The following NRXN1 variants were observed in gnomAD, a reference collection of about 807,000 sequenced individuals.
NRXN1 encodes the protein neurexin 1.
NRXN1 carries 39 observed loss-of-function variants against 150.9 expected under a neutral mutation model. The observed-to-expected ratio is 0.26, with a 90% CI of 0.20 to 0.34. NRXN1 has a LOEUF of 0.34. Among genes scored for constraint, NRXN1 ranks in the 10% least tolerant of loss-of-function variants. The pLI is 1.00. For synonymous variants in NRXN1, 924 were observed against 757.0 expected (o/e 1.22, Z -3.62); for missense variants, 1,815 against 1,949.9 (o/e 0.93, Z 1.30).
chr2:50,274,635 T>C (rs569609641), intron 17 of NRXN1, among the ~76,000 whole-genome samples: 13 of 152,192 alleles, frequency 8.5e-5, no homozygotes, highest in African/African-American at 2.6e-4. Flanking sequence ...TCTGTAAAAA[T>C]AGACATCACT....
chr2:50,572,123 G>A (rs1177154482), intron 8 of NRXN1, among the ~76,000 whole-genome samples: 1 of 152,110 alleles, frequency 6.6e-6, no homozygotes, highest in Admixed American at 6.5e-5. Context: ...AGGACTAAGG[G>A]GTCAGCAGAG....
At chr2:50,273,387 T>C (rs549833854) in intron 17 of NRXN1, among the ~76,000 whole-genome samples, 9 of 152,312 alleles carry the variant, frequency 5.9e-5, no homozygotes, top group Admixed American at 4.6e-4. Flanking sequence ...TTTTCCACTT[T>C]CTTTTATTTG....
At chr2:50,819,993 C>T (rs185788992) in intron 5 of NRXN1, among the ~76,000 whole-genome samples, 24 of 152,194 alleles carry the variant, frequency 1.6e-4, no homozygotes, top group Non-Finnish European at 3.1e-4. Context: ...TTTTCCACTG[C>T]ACATGTTGGT....
At chr2:50,868,141 TTATA>T (rs70958631) in intron 5 of NRXN1, among the ~76,000 whole-genome samples, 3,462 of 86,478 alleles carry the variant, frequency 0.04, 117 homozygotes, top group Non-Finnish European at 0.048. Context: ...AAACAAAATA[TTATA>T]TATATATATA....
chr2:49,919,782 T>G lies in NRXN1; in HGVS notation c.*2162A>C, dbSNP rs1667888796. ...CTGGGTCATAAAAAGCCACTAAATT[T>G]CTTTGTACACAACAATTACTTGGCA... On this transcript the variant is annotated 3_prime_UTR_variant, in exon 23 of 23. Coordinates refer to ENST00000401669, the MANE Select transcript of NRXN1 (RefSeq NM_001330078.2). The G allele has an allele frequency of 6.6e-6, 1 of 152,298 alleles. No individual in the cohort carries two copies. The highest frequency in any genetic ancestry group is 6.5e-5 in the Admixed American group (1 of 15,304). 9.4% of individuals were successfully genotyped at this position (152,298 alleles called of 1,614,324 possible).
chr2:50,710,099 AT>A (rs1694966310), intron 5 of NRXN1, among the ~76,000 whole-genome samples: 1 of 152,218 alleles, frequency 6.6e-6, no homozygotes, highest in South Asian at 2.1e-4. Flanking sequence ...TTGAGAGCAG[AT>A]AAAATTGTTC....
chr2:50,048,561 T>G (rs1239992102), intron 21 of NRXN1, among the ~76,000 whole-genome samples: 1 of 152,180 alleles, frequency 6.6e-6, no homozygotes, highest in East Asian at 1.9e-4. Context: ...CAAATAATAT[T>G]CATTTTTCAT....
At chr2:50,250,254 T>C (rs967991264) in intron 17 of NRXN1, among the ~76,000 whole-genome samples, 2 of 152,248 alleles carry the variant, frequency 1.3e-5, no homozygotes, top group African/African-American at 4.8e-5. Context: ...CTGGAGAATT[T>C]GCTTGTCTCC....
At chr2:49,954,239 A>G (rs1420650109) in intron 21 of NRXN1, among the ~76,000 whole-genome samples, 2 of 152,008 alleles carry the variant, frequency 1.3e-5, no homozygotes, top group African/African-American at 2.4e-5. Context: ...GCTGCTTCCT[A>G]TTATGCCAGC....
chr2:50,483,971 A>G (rs2090681489), intron 15 of NRXN1, among the ~76,000 whole-genome samples: 2 of 152,176 alleles, frequency 1.3e-5, no homozygotes. Context: ...ACAAACGAAC[A>G]TTTATTTTGG....
chr2:49,965,000 C>T (rs2152487558), intron 21 of NRXN1, among the ~76,000 whole-genome samples: 1 of 152,106 alleles, frequency 6.6e-6, no homozygotes, highest in South Asian at 2.1e-4. Context: ...GATTCTCCCC[C>T]TTCAGGCCCC....
Position 50,496,093 on chromosome 2 carries a change from T to C in NRXN1, c.2882A>G (p.Tyr961Cys). Residue 961 changes from tyrosine to cysteine, a missense_variant and splice_region_variant, in exon 15 of 23, where the codon TAC (tyrosine) becomes TGC (cysteine). Physicochemically the swap from Tyr to Cys is radical, Grantham distance 194. Transcript: ENST00000401669. ...TCCCAAATCAAACACGTAATGTAAG[T>C]ACCTGGGAAAAAAATGAAAGAGGGG... ...DFIVVELVKG[Y>C]LHYVFDLGNG... 1 of 1,593,176 alleles carries C rather than the reference T, an allele frequency of 6.3e-7. No homozygotes were observed. Among genetic ancestry groups the C allele is most frequent in the African/African-American group, 1.3e-5 (1 of 74,668 alleles).
At chr2:50,752,156 G>T (rs1700662682) in intron 5 of NRXN1, among the ~76,000 whole-genome samples, 1 of 151,862 alleles carries the variant, frequency 6.6e-6, no homozygotes, top group Non-Finnish European at 1.5e-5. Context: ...AATAGGGCAA[G>T]GATATAAATT....
At chr2:50,365,554 A>G (rs1377902378) in intron 17 of NRXN1, among the ~76,000 whole-genome samples, 1 of 152,114 alleles carries the variant, frequency 6.6e-6, no homozygotes, top group Non-Finnish European at 1.5e-5. Flanking sequence ...AAAAGTCTTC[A>G]TAGCTAAATA....
In NRXN1 at chr2:51,015,476, C is replaced by G. The variant is rs116872776; in HGVS notation, c.772+12026G>C. Among the ~76,000 whole-genome samples the G allele has an allele frequency of 4.3e-4, 65 of 151,992 alleles. No homozygotes were observed. The East Asian group carries it at 0.011, about 25-fold the overall frequency. The stretch of plus-strand genomic sequence containing the variant: ...TCTTGGGTCGAGGAGAAGGAAGGTG[C>G]CCATCATTCTTCTTTATTGCCAAGA... On this transcript the variant is annotated intron_variant, in intron 2 of 22. Transcript: ENST00000401669.
intron 5 of NRXN1, among the ~76,000 whole-genome samples, chr2:50,901,870 A>T (rs1336795813): frequency 1.3e-5 from 2 of 152,206 alleles, no homozygotes; most frequent in Admixed American, 1.3e-4. Context: ...CAAAATGTTT[A>T]AAAATGTTTT....
intron 17 of NRXN1, 49 bp downstream of exon 17, chr2:50,465,393 T>C: frequency 6.5e-7 from 1 of 1,531,302 alleles, no homozygotes; most frequent in Middle Eastern, 1.7e-4. Flanking sequence ...TATCAAACAG[T>C]AACTGGAAGC....
At chr2:50,142,773 T>C (rs552038560) in intron 18 of NRXN1, among the ~76,000 whole-genome samples, 2 of 151,912 alleles carry the variant, frequency 1.3e-5, no homozygotes, top group East Asian at 3.9e-4. Flanking sequence ...AAACTGGAAA[T>C]AATTAAAAAT....
intron 5 of NRXN1, among the ~76,000 whole-genome samples, chr2:50,800,380 GTTTCATAATTTGAAA>G (rs1554090751): frequency 6.6e-6 from 1 of 151,934 alleles, no homozygotes; most frequent in Non-Finnish European, 1.5e-5. Flanking sequence ...TCTATGGTAC[GTTTCATAATTTGAAA>G]ACATTATTTT....
Sources: gnomAD v4.1 joint callset for allele counts (sites outside exome capture counted in the v4.1 genomes callset) on GRCh38, gnomAD v4.1.1 for gene constraint, MANE v1.5 for transcripts, NCBI Gene and HGNC (gene_info 2026-07-23, HGNC 2026-07-21) for gene names.